The following ZSWIM6 variants were observed in gnomAD, a reference collection of about 807,000 sequenced individuals.
The protein encoded by ZSWIM6 is zinc finger SWIM domain-containing protein 6.
ZSWIM6 carries 9 observed loss-of-function variants against 113.2 expected under a neutral mutation model. The ratio of observed to expected loss-of-function variants is 0.08; its 90% CI spans 0.05 to 0.14. The LOEUF (loss-of-function observed/expected upper bound fraction) is 0.14, where lower values mean the gene tolerates loss of function less well. ZSWIM6 is among the 10% of genes least tolerant of loss of function. The pLI is 1.00. For missense variants in ZSWIM6, 1,162 were observed against 1,552.2 expected, an observed-to-expected ratio of 0.75 and a Z score of 4.22; for synonymous variants, 611 against 606.5, an observed-to-expected ratio of 1.01 and a Z score of -0.11.
chr5:61,384,014 G>C (rs1745541181), intron 1 of ZSWIM6, among the ~76,000 whole-genome samples: 2 of 150,850 alleles, frequency 1.3e-5, no homozygotes, highest in South Asian at 4.2e-4. Flanking sequence ...GGCCGAGGCA[G>C]GTGGATCATG....
intron 1 of ZSWIM6, among the ~76,000 whole-genome samples, chr5:61,413,466 A>G (rs756044011): frequency 2.0e-5 from 3 of 152,054 alleles, no homozygotes; most frequent in Non-Finnish European, 4.4e-5. Flanking sequence ...TATTGTGAAT[A>G]GTGCTGCAGT....
chr5:61,479,102 C>T (rs947147243), intron 2 of ZSWIM6, among the ~76,000 whole-genome samples: 5 of 151,174 alleles, frequency 3.3e-5, no homozygotes, highest in Admixed American at 2.0e-4. Context: ...ACTTGGGAGG[C>T]GGAGACTGCA....
intron 4 of ZSWIM6, among the ~76,000 whole-genome samples, chr5:61,496,936 T>TA (rs1748333298): frequency 6.6e-6 from 1 of 152,172 alleles, no homozygotes; most frequent in Non-Finnish European, 1.5e-5. Context: ...TGAATCATTA[T>TA]ACTTGTCAAC....
At chr5:61,430,852 G>A (rs575899009) in intron 1 of ZSWIM6, among the ~76,000 whole-genome samples, 1 of 152,134 alleles carries the variant, frequency 6.6e-6, no homozygotes, top group South Asian at 2.1e-4. Flanking sequence ...ATCAATATTT[G>A]TATAGTTGTG....
At chr5:61,336,840 C>T (rs1163959038) in intron 1 of ZSWIM6, among the ~76,000 whole-genome samples, 1 of 152,162 alleles carries the variant, frequency 6.6e-6, no homozygotes, top group Admixed American at 6.5e-5. Flanking sequence ...CAAATATTTA[C>T]AGCACATTGG....
chr5:61,371,266 A>G (rs1183799890), intron 1 of ZSWIM6, among the ~76,000 whole-genome samples: 5 of 152,170 alleles, frequency 3.3e-5, no homozygotes, highest in African/African-American at 9.7e-5. Context: ...TTATATTTCA[A>G]ACTCTTAAAA....
chr5:61,542,506 C>T (rs2112295268), intron 13 of ZSWIM6, among the ~76,000 whole-genome samples: 1 of 152,298 alleles, frequency 6.6e-6, no homozygotes, highest in Non-Finnish European at 1.5e-5. Flanking sequence ...CCAACAGAAA[C>T]AAATGGTTGC....
intron 4 of ZSWIM6, among the ~76,000 whole-genome samples, chr5:61,516,463 C>CTATA (rs899895134): frequency 5.0e-5 from 7 of 140,576 alleles, no homozygotes; most frequent in African/African-American, 1.6e-4. Context: ...TATATAAAAA[C>CTATA]TATATATATA....
At chr5:61,535,432 AG>A in intron 9 of ZSWIM6, 51 bp from the exon 10 acceptor site, 1 of 1,540,670 alleles carries the variant, frequency 6.5e-7, no homozygotes, top group Non-Finnish European at 8.8e-7. Flanking sequence ...CTTTACAAGA[AG>A]TGTTAGTTCA....
At position 61,347,972 on chromosome 5, in the gene ZSWIM6, A is replaced by G. The variant is rs567515022; in HGVS notation, c.676+15024A>G. ...CATGGTGGCTCACGCCTGTAATCCC[A>G]GCACTTTGGGAGGCTGAGGCGGGTG... is the stretch of plus-strand genomic sequence containing the variant. On this transcript the variant is annotated intron_variant, in intron 1 of 13. Transcript: ENST00000252744. Among the ~76,000 whole-genome samples the G allele has an allele frequency of 2.0e-4, 31 of 152,360 alleles. No homozygotes were observed. In the South Asian group the frequency reaches 5.2e-3, roughly 25 times the overall value.
intron 1 of ZSWIM6, among the ~76,000 whole-genome samples, chr5:61,456,025 C>A (rs1370336140): frequency 2.0e-5 from 3 of 152,010 alleles, no homozygotes; most frequent in African/African-American, 7.2e-5. Flanking sequence ...TCTGTAAAGT[C>A]ACAGTCTTGA....
intron 2 of ZSWIM6, among the ~76,000 whole-genome samples, chr5:61,483,527 A>G (rs1469321263): frequency 3.3e-5 from 5 of 152,146 alleles, no homozygotes; most frequent in African/African-American, 4.8e-5. Context: ...GTATGTATAT[A>G]TGTAAATTGT....
At chr5:61,408,839 A>T (rs1468107488) in intron 1 of ZSWIM6, among the ~76,000 whole-genome samples, 1 of 152,106 alleles carries the variant, frequency 6.6e-6, no homozygotes, top group East Asian at 1.9e-4. Flanking sequence ...CGCGGTCGCC[A>T]GCTGACGTCA....
intron 2 of ZSWIM6, among the ~76,000 whole-genome samples, chr5:61,475,793 G>A (rs1747696746): frequency 6.6e-6 from 1 of 152,134 alleles, no homozygotes; most frequent in Admixed American, 6.5e-5. Context: ...AATAGGTGGT[G>A]GGATTAAAAA....
At chr5:61,506,465 C>T (rs976718916) in intron 4 of ZSWIM6, among the ~76,000 whole-genome samples, 1 of 151,904 alleles carries the variant, frequency 6.6e-6, no homozygotes, top group Non-Finnish European at 1.5e-5. Flanking sequence ...CACTTGTAAT[C>T]CCGGCTACTT....
chr5:61,350,549 C>G (rs1302008443), intron 1 of ZSWIM6, among the ~76,000 whole-genome samples: 2 of 151,994 alleles, frequency 1.3e-5, no homozygotes, highest in African/African-American at 4.8e-5. Context: ...TGTCACCACC[C>G]CTGATTTTTT....
rs1196424514 is a variant in ZSWIM6, at chr5:61,545,257, GTATACA to G, written c.*945_*950del. On this transcript the variant is annotated 3_prime_UTR_variant, in exon 14 of 14. Transcript: ENST00000252744. ...ATGTATATATATTTATACAACTTATGTATACATATATATATGTATACACACAGACAC... is the reference window on the plus strand; with the variant it reads ...ATGTATATATATTTATACAACTTATGTATATATATGTATACACACAGACAC... 6.6e-6 allele frequency: 1 copy of G among 151,330 alleles called. No homozygotes were observed. The highest frequency in any genetic ancestry group is 1.5e-5 in the Non-Finnish European group (1 of 67,884). 9.4% of individuals were successfully genotyped at this position (151,330 alleles called of 1,614,324 possible).
At chr5:61,409,094 T>C (rs1390820496) in intron 1 of ZSWIM6, among the ~76,000 whole-genome samples, 34 of 115,558 alleles carry the variant, frequency 2.9e-4, no homozygotes, top group Admixed American at 2.1e-3. Context: ...TTTTTTTTTT[T>C]CCCGTTTTTG....
chr5:61,469,041 C>T (rs1747504633), intron 1 of ZSWIM6, among the ~76,000 whole-genome samples: 1 of 152,100 alleles, frequency 6.6e-6, no homozygotes, highest in Admixed American at 6.6e-5. Flanking sequence ...GAATAGGCCT[C>T]AGAGCATTAA....
Sources: gnomAD v4.1 joint callset for allele counts (sites outside exome capture counted in the v4.1 genomes callset) on GRCh38, gnomAD v4.1.1 for gene constraint, MANE v1.5 for transcripts, NCBI Gene and HGNC (gene_info 2026-07-23, HGNC 2026-07-21) for gene names.